RAB38: variants seen among roughly 807,000 people sequenced by gnomAD.
RAB38 encodes RAB38, member RAS oncogene family.
Under a neutral mutation model 18.4 loss-of-function variants are expected in RAB38, and 15 were observed. The observed-to-expected ratio is 0.82, with a 90% CI of 0.55 to 1.26. The LOEUF (loss-of-function observed/expected upper bound fraction) is 1.26. RAB38 is among the 50% of genes most tolerant of loss of function. The probability of loss-of-function intolerance (pLI) is 0.00; values close to 1 mark genes in which losing one functional copy is unlikely to be tolerated. For missense variants in RAB38, 294 were observed against 267.4 expected (o/e 1.10, Z -0.69); for synonymous variants, 101 against 104.4 (o/e 0.97, Z 0.20).
At chr11:88,105,668 C>A in the RAB38 span, among the ~76,000 whole-genome samples, 1 of 152,214 alleles carries the variant, frequency 6.6e-6, no homozygotes, top group East Asian at 1.9e-4. Context: ...CCTACAAGCC[C>A]CTTTTCTAAA....
chr11:88,098,331 C>G, the RAB38 span, among the ~76,000 whole-genome samples: 1 of 151,958 alleles, frequency 6.6e-6, no homozygotes, highest in Non-Finnish European at 1.5e-5. Flanking sequence ...GTAACTCAAC[C>G]TCTCTAAGTC....
the RAB38 span, among the ~76,000 whole-genome samples, chr11:87,853,371 T>G: frequency 6.6e-6 from 1 of 151,952 alleles, no homozygotes; most frequent in Admixed American, 6.6e-5. Flanking sequence ...TAGGAAGAGG[T>G]AAGAGCTCTC....
At chr11:88,112,786 AC>A (rs1942490238), downstream of RAB38, among the ~76,000 whole-genome samples, 2 of 128,236 alleles carry the variant, frequency 1.6e-5, no homozygotes, top group African/African-American at 6.9e-5. Flanking sequence ...AACAACAACA[AC>A]AACAAAATAT....
At chr11:88,025,224 CTT>C in the RAB38 span, among the ~76,000 whole-genome samples, 1 of 150,342 alleles carries the variant, frequency 6.7e-6, no homozygotes, top group Non-Finnish European at 1.5e-5. Context: ...GTGTATATAA[CTT>C]ATGTATATAA....
the RAB38 span, among the ~76,000 whole-genome samples, chr11:87,843,857 TTC>T: frequency 6.6e-6 from 1 of 152,220 alleles, no homozygotes; most frequent in Non-Finnish European, 1.5e-5. Flanking sequence ...GTAATGTAAA[TTC>T]TCTGTCTTTT....
the RAB38 span, among the ~76,000 whole-genome samples, chr11:87,873,920 G>GTATATATATATATATA: frequency 3.0e-5 from 1 of 33,826 alleles, no homozygotes; most frequent in African/African-American, 1.1e-4. Flanking sequence ...GTGTGTGTGT[G>GTATATATATATATATA]TGTATATATA....
the RAB38 span, among the ~76,000 whole-genome samples, chr11:87,938,955 C>T: frequency 6.6e-6 from 1 of 151,926 alleles, no homozygotes; most frequent in African/African-American, 2.4e-5. Context: ...ACCATGCTCC[C>T]AGAAACAGAA....
At chr11:87,870,933 T>C in the RAB38 span, among the ~76,000 whole-genome samples, 503 of 151,790 alleles carry the variant, frequency 3.3e-3, 4 homozygotes, top group Non-Finnish European at 5.7e-3. Context: ...TGCAATTGAA[T>C]TTTTTATATC....
At chr11:87,929,226 A>T in the RAB38 span, among the ~76,000 whole-genome samples, 1 of 152,044 alleles carries the variant, frequency 6.6e-6, no homozygotes, top group Non-Finnish European at 1.5e-5. Context: ...TCTTTTTCTC[A>T]TTCATATTAA....
At chr11:87,851,433 A>G in the RAB38 span, among the ~76,000 whole-genome samples, 1 of 152,204 alleles carries the variant, frequency 6.6e-6, no homozygotes, top group Admixed American at 6.5e-5. Flanking sequence ...TAGACTACTT[A>G]AAGGCAGTAT....
the RAB38 span, among the ~76,000 whole-genome samples, chr11:88,064,992 G>T: frequency 6.6e-6 from 1 of 152,040 alleles, no homozygotes; most frequent in African/African-American, 2.4e-5. Context: ...AAAGATCTTT[G>T]GCCTTATGCT....
chr11:87,810,084 T>C, the RAB38 span, among the ~76,000 whole-genome samples: 1 of 152,120 alleles, frequency 6.6e-6, no homozygotes, highest in Non-Finnish European at 1.5e-5. Context: ...CTGAAAAAAA[T>C]TGGATTGTCT....
the RAB38 span, among the ~76,000 whole-genome samples, chr11:87,934,856 G>T: frequency 3.9e-5 from 6 of 152,144 alleles, no homozygotes; most frequent in South Asian, 1.2e-3. Flanking sequence ...TGAGGTAGCA[G>T]TTGCAGCAAA....
the RAB38 span, chr11:88,062,207 T>A: frequency 6.6e-6 from 1 of 152,104 alleles, no homozygotes; most frequent in Non-Finnish European, 1.5e-5. Context: ...TGGGAAGTGA[T>A]TCGATCACGG....
chr11:87,896,423 C>T, the RAB38 span, among the ~76,000 whole-genome samples: 2 of 151,596 alleles, frequency 1.3e-5, no homozygotes, highest in Non-Finnish European at 3.0e-5. Flanking sequence ...GGCAACACAT[C>T]TAGGAGAAAG....
the RAB38 span, among the ~76,000 whole-genome samples, chr11:87,875,335 G>A: frequency 6.6e-6 from 1 of 151,184 alleles, no homozygotes; most frequent in African/African-American, 2.4e-5. Context: ...TTAATTATAA[G>A]TAAAGGTGAG....
chr11:87,834,434 T>A, the RAB38 span, among the ~76,000 whole-genome samples: 1 of 152,222 alleles, frequency 6.6e-6, no homozygotes, highest in African/African-American at 2.4e-5. Flanking sequence ...GGGTATTGTT[T>A]TAAGCTACAG....
At chr11:87,875,643 A>T in the RAB38 span, among the ~76,000 whole-genome samples, 5 of 151,538 alleles carry the variant, frequency 3.3e-5, no homozygotes, top group African/African-American at 7.3e-5. Flanking sequence ...AAATTTTTCT[A>T]GTAATTTAAT....
chr11:88,010,968 T>C, the RAB38 span, among the ~76,000 whole-genome samples: 1 of 152,170 alleles, frequency 6.6e-6, no homozygotes, highest in Non-Finnish European at 1.5e-5. Flanking sequence ...CAGAATCAGC[T>C]GTTAACCCCT....
Sources: allele counts gnomAD v4.1 joint callset (sites outside exome capture counted in the v4.1 genomes callset), GRCh38; gene constraint gnomAD v4.1.1; transcripts MANE v1.5; gene names NCBI Gene and HGNC (gene_info 2026-07-23, HGNC 2026-07-21).